The following RNF17 variants were observed in gnomAD, a reference collection of about 807,000 sequenced individuals.
RNF17 encodes the protein spermatogenesis associated 23.
In RNF17, 31 loss-of-function variants were observed where a neutral mutation model predicts 200.5. That is an observed-to-expected ratio of 0.15 (90% CI 0.12 to 0.21). The LOEUF (loss-of-function observed/expected upper bound fraction) is 0.21, where lower values mean the gene tolerates loss of function less well. Among genes scored for constraint, RNF17 ranks in the 10% least tolerant of loss-of-function variants. The pLI is 1.00. For missense variants in RNF17, 1,628 were observed against 1,905.1 expected, an observed-to-expected ratio of 0.85 and a Z score of 2.71; for synonymous variants, 606 against 637.8, an observed-to-expected ratio of 0.95 and a Z score of 0.75.
intron 11 of RNF17, among the ~76,000 whole-genome samples, chr13:24,797,599 A>G (rs1485071725): frequency 1.3e-5 from 2 of 151,640 alleles, no homozygotes; most frequent in Admixed American, 6.6e-5. Flanking sequence ...TTTTTCAGGT[A>G]CTCTGGTTTC....
chr13:24,845,575 C>G (rs1891171318), intron 22 of RNF17, among the ~76,000 whole-genome samples: 1 of 152,080 alleles, frequency 6.6e-6, no homozygotes. Flanking sequence ...ACACCATGAA[C>G]CAGGACCTTT....
At chr13:24,838,970 G>A (rs1890320284) in intron 18 of RNF17, among the ~76,000 whole-genome samples, 1 of 152,080 alleles carries the variant, frequency 6.6e-6, no homozygotes, top group Non-Finnish European at 1.5e-5. Context: ...ATAATTCAGC[G>A]AAGTTTCCGG....
At chr13:24,782,612 G>GA (rs549632648) in intron 6 of RNF17, among the ~76,000 whole-genome samples, 2 of 151,484 alleles carry the variant, frequency 1.3e-5, no homozygotes, top group Non-Finnish European at 2.9e-5. Flanking sequence ...AGATGGGGGG[G>GA]GGATCTTTGA....
chr13:24,839,901 G>C (rs1771600986), intron 18 of RNF17, among the ~76,000 whole-genome samples: 1 of 152,138 alleles, frequency 6.6e-6, no homozygotes, highest in South Asian at 2.1e-4. Context: ...TTGAACTAAA[G>C]AGCTTTTGCA....
At chr13:24,787,901 G>T (rs1883332691) in intron 6 of RNF17, 87 bp from the exon 7 acceptor site, 9 of 1,029,690 alleles carry the variant, frequency 8.7e-6, no homozygotes, top group Non-Finnish European at 8.2e-6. Flanking sequence ...ATCAACTACT[G>T]AACTTACTCT....
chr13:24,863,804 G>T (rs970639423), intron 28 of RNF17, among the ~76,000 whole-genome samples: 2 of 152,182 alleles, frequency 1.3e-5, no homozygotes, highest in Non-Finnish European at 2.9e-5. Flanking sequence ...TATAGCAAAG[G>T]CTGCCAGGTG....
intron 2 of RNF17, among the ~76,000 whole-genome samples, chr13:24,772,426 ATTTTT>A (rs34066913): frequency 3.8e-5 from 4 of 106,018 alleles, no homozygotes; most frequent in Non-Finnish European, 1.9e-5. Flanking sequence ...TTGAGTCTCC[ATTTTT>A]TTTTTTTTTT....
chr13:24,792,607 G>A (rs1566139530), intron 9 of RNF17, among the ~76,000 whole-genome samples: 1 of 152,164 alleles, frequency 6.6e-6, no homozygotes, highest in African/African-American at 2.4e-5. Context: ...CAGTTGTTTG[G>A]ACTTCAACAT....
At chr13:24,824,540 CTT>C (rs1888425796) in intron 15 of RNF17, among the ~76,000 whole-genome samples, 1 of 152,026 alleles carries the variant, frequency 6.6e-6, no homozygotes, top group Non-Finnish European at 1.5e-5. Flanking sequence ...GAGAAATAAA[CTT>C]ATAATCCTTG....
chr13:24,806,011 A>G (rs1334329856), intron 15 of RNF17, among the ~76,000 whole-genome samples: 2 of 151,932 alleles, frequency 1.3e-5, no homozygotes, highest in African/African-American at 4.8e-5. Flanking sequence ...TACATTAGGT[A>G]TTTCTCCTAA....
chr13:24,806,340 T>A (rs568062909), intron 15 of RNF17, among the ~76,000 whole-genome samples: 1 of 152,318 alleles, frequency 6.6e-6, no homozygotes, highest in Non-Finnish European at 1.5e-5. Context: ...GTAAGTGTCT[T>A]TATAGTAGAA....
At chr13:24,757,347 G>A in the RNF17 span, among the ~76,000 whole-genome samples, 1 of 148,814 alleles carries the variant, frequency 6.7e-6, no homozygotes, top group Admixed American at 6.7e-5. Context: ...TCCTTGAGGT[G>A]GAGTTTCACT....
chr13:24,859,501 C>G (rs1026549388), intron 26 of RNF17, among the ~76,000 whole-genome samples: 1 of 151,910 alleles, frequency 6.6e-6, no homozygotes, highest in African/African-American at 2.4e-5. Flanking sequence ...TTGTTTATGG[C>G]CCTGTTAGTT....
intron 33 of RNF17, among the ~76,000 whole-genome samples, 181 bp downstream of exon 33, chr13:24,874,430 A>G (rs1264264418): frequency 1.3e-4 from 15 of 113,254 alleles, no homozygotes; most frequent in Non-Finnish European, 2.6e-4. Flanking sequence ...TTTTTTTTTT[A>G]GATGAGTCTT....
At chr13:24,887,091 C>A in the RNF17 span, among the ~76,000 whole-genome samples, 2 of 151,932 alleles carry the variant, frequency 1.3e-5, no homozygotes, top group Admixed American at 1.3e-4. Flanking sequence ...TGGGTAGATA[C>A]TAGGGGAGGG....
rs891278807 is a variant in RNF17 at position 24,835,284 on chromosome 13, C to T, written c.2482+3306C>T. On this transcript the variant is annotated intron_variant, in intron 18 of 35. Transcript: ENST00000255324. Reference sequence around the variant, plus strand: ...AGGGCATATTATCTTGTGAGTTCTACGGCCCCGCCCATCGCCGGTTCCTCC... The same window carrying T: ...AGGGCATATTATCTTGTGAGTTCTATGGCCCCGCCCATCGCCGGTTCCTCC... 1.1e-4 allele frequency among the ~76,000 whole-genome samples: 16 copies of T among 152,252 alleles called. No individual in the cohort carries two copies. In the East Asian group the frequency reaches 2.7e-3, roughly 26 times the overall value.
chr13:24,885,208 T>G, the RNF17 span: 2 of 1,054,454 alleles, frequency 1.9e-6, no homozygotes, highest in African/African-American at 3.1e-5. Flanking sequence ...TTAGATTCTA[T>G]GTGTTTCAAC....
the RNF17 span, chr13:24,886,514 C>T: frequency 6.3e-6 from 3 of 476,132 alleles, no homozygotes; most frequent in African/African-American, 5.9e-5. Context: ...TCAGAGGGAT[C>T]AGTCTAGGGA....
intron 33 of RNF17, among the ~76,000 whole-genome samples, chr13:24,875,967 CAA>C (rs200735939): frequency 4.8e-4 from 73 of 152,328 alleles, no homozygotes; most frequent in African/African-American, 1.0e-3. Flanking sequence ...TCTCATCAAA[CAA>C]GAGCAATTTT....
Sources: allele counts gnomAD v4.1 joint callset (sites outside exome capture counted in the v4.1 genomes callset), GRCh38; gene constraint gnomAD v4.1.1; transcripts MANE v1.5; gene names NCBI Gene and HGNC (gene_info 2026-07-23, HGNC 2026-07-21).